The following NQO2 variants were observed in gnomAD, a reference collection of about 807,000 sequenced individuals.
The protein encoded by NQO2 is N-ribosyldihydronicotinamide:quinone dehydrogenase 2, also known as ribosyldihydronicotinamide dehydrogenase [quinone].
NQO2 carries 18 observed loss-of-function variants against 22.0 expected under a neutral mutation model. The ratio of observed to expected loss-of-function variants is 0.82; its 90% CI spans 0.56 to 1.21. The LOEUF (loss-of-function observed/expected upper bound fraction) is 1.21. NQO2 is among the 50% of genes most tolerant of loss of function. The pLI, the probability that NQO2 is intolerant of heterozygous loss-of-function variation, is 0.00. For missense variants in NQO2, 267 were observed against 286.9 expected (o/e 0.93, Z 0.50); for synonymous variants, 106 against 110.8 (o/e 0.96, Z 0.28).
Position 3,012,590 on chromosome 6 carries a change from C to T in NQO2, c.219C>T (p.His73=), listed in dbSNP as rs752134759. The part of the protein sequence containing the change: ...PEVFNYGVET[H]EAYKQRSLAS... ...TTTTCAATTATGGAGTGGAAACCCA[C>T]GAAGCCTACAAGCAAAGGTCTCTGG... The change falls in exon 4 of 7, where the codon CAC becomes CAT. Residue 73 remains histidine, a synonymous_variant. Coordinates refer to ENST00000380455, the MANE Select transcript of NQO2 (RefSeq NM_000904.6). The T allele has an allele frequency of 8.7e-6, 14 of 1,613,978 alleles. No homozygotes were observed. Among genetic ancestry groups the T allele is most frequent in the Middle Eastern group, 3.3e-4 (2 of 6,084 alleles).
chr6:3,007,205 C>T (rs1194464755), intron 2 of NQO2, among the ~76,000 whole-genome samples: 1 of 152,082 alleles, frequency 6.6e-6, no homozygotes, highest in Non-Finnish European at 1.5e-5. Context: ...CCATCCCTGG[C>T]CTCTGCCCAC....
At chr6:3,014,286 G>T (rs1280809330) in intron 4 of NQO2, among the ~76,000 whole-genome samples, 1 of 152,208 alleles carries the variant, frequency 6.6e-6, no homozygotes, top group Admixed American at 6.5e-5. Context: ...ACCTTGAGCT[G>T]CTAATCTGAC....
intron 2 of NQO2, among the ~76,000 whole-genome samples, chr6:3,007,798 T>C (rs919692737): frequency 6.6e-6 from 1 of 152,220 alleles, no homozygotes; most frequent in Non-Finnish European, 1.5e-5. Flanking sequence ...GCGGGTCTGA[T>C]TCCTCATGTT....
Position 3,012,688 on chromosome 6 carries a change from T to G in NQO2, c.303+14T>G. The G allele has an allele frequency of 6.2e-7, 1 of 1,608,934 alleles. No individual in the cohort carries two copies. The highest frequency in any genetic ancestry group is 8.5e-7 in the Non-Finnish European group (1 of 1,177,290). ...GTGATATTTCAGGTTTGTTTTTCTC[T>G]AATTAATATATTGAATCAGATTCAT... On this transcript the variant is annotated intron_variant, in intron 4 of 6. Coordinates refer to ENST00000380455, the MANE Select transcript of NQO2 (RefSeq NM_000904.6).
chr6:3,016,859 A>G (rs1214241690), intron 5 of NQO2, 25 bp from the exon 6 acceptor site: 1 of 1,611,776 alleles, frequency 6.2e-7, no homozygotes. Context: ...AGTCCACACA[A>G]ATGCATCTGC....
intron 2 of NQO2, among the ~76,000 whole-genome samples, chr6:3,009,459 G>A (rs777502134): frequency 3.3e-5 from 5 of 152,126 alleles, no homozygotes; most frequent in Non-Finnish European, 5.9e-5. Flanking sequence ...AGGGTCCTGA[G>A]GCAATATACA....
rs1415813389 is a variant in NQO2, at chr6:3,006,808, C to G, written c.7+249C>G. 6.5e-6 allele frequency: 3 copies of G among 460,722 alleles called. No homozygotes were observed. Among genetic ancestry groups the G allele is most frequent in the Non-Finnish European group, 1.1e-5 (3 of 264,674 alleles). The allele number at this position is 460,722 out of a possible 1,614,324, so 28.5% of individuals were successfully genotyped here. On this transcript the variant is annotated intron_variant, in intron 2 of 6. Coordinates refer to ENST00000380455, the MANE Select transcript of NQO2 (RefSeq NM_000904.6). The surrounding 1 kb of genome is among the most constrained non-coding windows in gnomAD (Gnocchi z 4.0). Reference sequence around the variant, plus strand: ...ACTTGTTTCATTGTTCCTTTCGACTCCCTCCAGAATTTAGGTTCCTCAAAA... The same window carrying G: ...ACTTGTTTCATTGTTCCTTTCGACTGCCTCCAGAATTTAGGTTCCTCAAAA...
chr6:3,010,139 A>G lies in NQO2; in HGVS notation c.122A>G (p.Asp41Gly). The change falls in exon 3 of 7, where the codon GAT (aspartate) becomes GGT (glycine). Residue 41 changes from aspartate to glycine, a missense_variant. Physicochemically the swap from Asp to Gly is moderately conservative, Grantham distance 94. Transcript: ENST00000380455. ...CAGGGCTGCACCGTCACAGTGTCTG[A>G]TTTGTATGCCATGAACCTTGAGCCG... ...SRQGCTVTVS[D>G]LYAMNLEPRA... The G allele has an allele frequency of 6.2e-7, 1 of 1,614,004 alleles. No homozygotes were observed. Among genetic ancestry groups the G allele is most frequent in the South Asian group, 1.1e-5 (1 of 91,072 alleles).
intron 6 of NQO2, among the ~76,000 whole-genome samples, chr6:3,018,939 A>C (rs1757434306): frequency 6.6e-6 from 1 of 151,768 alleles, no homozygotes; most frequent in Non-Finnish European, 1.5e-5. Context: ...CCTCAGAAAG[A>C]ATCACTTTAA....
intron 3 of NQO2, among the ~76,000 whole-genome samples, chr6:3,011,708 AC>A (rs1757142387): frequency 6.6e-6 from 1 of 152,208 alleles, no homozygotes; most frequent in African/African-American, 2.4e-5. Context: ...ATAACATGTA[AC>A]AGAGCTCCAG....
Position 3,019,614 on chromosome 6 carries a change from G to A in NQO2, c.655G>A (p.Glu219Lys). The change falls in exon 7 of 7, where the codon GAG becomes AAG. Residue 219 changes from glutamate (E) to lysine (K), a missense_variant. Coordinates refer to ENST00000380455, the MANE Select transcript of NQO2 (RefSeq NM_000904.6). ...SQRLQTIWKE[E>K]PIPCTAHWHF... Reference sequence around the variant, plus strand: ...GAGGCTGCAGACCATCTGGAAGGAAGAGCCCATCCCCTGCACAGCCCACTG... The same window carrying A: ...GAGGCTGCAGACCATCTGGAAGGAAAAGCCCATCCCCTGCACAGCCCACTG... 1.2e-6 allele frequency: 2 copies of A among 1,614,038 alleles called. No homozygotes were observed. The highest frequency in any genetic ancestry group is 1.7e-6 in the Non-Finnish European group (2 of 1,180,002).
At chr6:3,003,307 G>A (rs907787848) in intron 1 of NQO2, among the ~76,000 whole-genome samples, 9 of 151,618 alleles carry the variant, frequency 5.9e-5, no homozygotes, top group African/African-American at 2.0e-4. Context: ...TTGCCTCATC[G>A]GGAGGCTTTG....
rs748961780 is a variant in NQO2, at chr6:3,006,529, A to G, written c.-24A>G. The G allele has an allele frequency of 2.1e-5, 34 of 1,612,558 alleles. 1 individual carries two copies. On this transcript the variant is annotated 5_prime_UTR_variant, in exon 2 of 7. Coordinates refer to ENST00000380455, the MANE Select transcript of NQO2 (RefSeq NM_000904.6). This position sits in a 1 kb window ranked among gnomAD's most constrained non-coding sequence, Gnocchi z 4.0. The stretch of plus-strand genomic sequence containing the variant: ...GCCCCAGCCACCCATCAAATCAGAG[A>G]GAAGGAATCCACCTTCTTACGCTAT...
In NQO2 at chr6:3,019,515, G is replaced by C; in HGVS notation, c.556G>C (p.Ala186Pro). The change falls in exon 7 of 7, where the codon GCC becomes CCC. Residue 186 changes from alanine to proline, a missense_variant. Coordinates refer to ENST00000380455, the MANE Select transcript of NQO2 (RefSeq NM_000904.6). ...TLHFCGFKVL[A>P]PQISFAPEIA... ...ACACTTCTGTGGATTTAAAGTCCTTGCCCCTCAGATCAGCTTTGCTCCTGA... is the reference window on the plus strand; with the variant it reads ...ACACTTCTGTGGATTTAAAGTCCTTCCCCCTCAGATCAGCTTTGCTCCTGA... The C allele has an allele frequency of 6.2e-7, 1 of 1,614,052 alleles. No homozygotes were observed. Among genetic ancestry groups the C allele is most frequent in the Non-Finnish European group, 8.5e-7 (1 of 1,179,998 alleles).
chr6:3,000,672 C>T (rs1581314042), intron 1 of NQO2, among the ~76,000 whole-genome samples: 1 of 149,388 alleles, frequency 6.7e-6, no homozygotes, highest in African/African-American at 2.5e-5. Flanking sequence ...CTCCCGAGTA[C>T]CTGGGATTAT....
chr6:3,006,417 G>A lies in NQO2; in HGVS notation c.-85-51G>A, dbSNP rs1328511699. The A allele has an allele frequency of 4.6e-6, 7 of 1,513,704 alleles. No homozygotes were observed. Among genetic ancestry groups the A allele is most frequent in the South Asian group, 1.3e-5 (1 of 76,578 alleles). 93.8% of individuals were successfully genotyped at this position (1,513,704 alleles called of 1,614,324 possible). A position where few individuals can be genotyped will look rare whatever the true frequency, so the allele number is the denominator to read the frequency against. ...AGTGATGCCTAGATGTGGTACATTC[G>A]ACCTCACCTATGCCTCTCCCCACCC... On this transcript the variant is annotated intron_variant, in intron 1 of 6. Coordinates refer to ENST00000380455, the MANE Select transcript of NQO2 (RefSeq NM_000904.6). The surrounding 1 kb of genome is among the most constrained non-coding windows in gnomAD (Gnocchi z 4.0).
rs935729969 is a variant in NQO2, at chr6:3,015,283, C to T, written c.304-247C>T. On this transcript the variant is annotated intron_variant, in intron 4 of 6. Coordinates refer to ENST00000380455, the MANE Select transcript of NQO2 (RefSeq NM_000904.6). ...CCCCTCCCTGCCTGCCCAGGGCCAGCATCAGGGGCTGTCATCACTGGGGGA... is the reference window on the plus strand; with the variant it reads ...CCCCTCCCTGCCTGCCCAGGGCCAGTATCAGGGGCTGTCATCACTGGGGGA... The T allele has an allele frequency of 2.1e-6, 3 of 1,447,240 alleles. No homozygotes were observed. The East Asian group carries it at 8.7e-5, about 42-fold the overall frequency. 89.6% of individuals were successfully genotyped at this position (1,447,240 alleles called of 1,614,324 possible).
intron 1 of NQO2, chr6:3,004,699 T>C (rs185337046): frequency 3.1e-6 from 3 of 959,548 alleles, no homozygotes; most frequent in Middle Eastern, 5.3e-4. Flanking sequence ...TTTGTTTTGC[T>C]GTAAAGACAC....
intron 6 of NQO2, among the ~76,000 whole-genome samples, chr6:3,017,895 C>T (rs1313113735): frequency 2.0e-5 from 3 of 152,146 alleles, no homozygotes; most frequent in African/African-American, 4.8e-5. Context: ...ACGTGCCTTG[C>T]CCATGTCCTA....
Sources: gnomAD v4.1 joint callset for allele counts (sites outside exome capture counted in the v4.1 genomes callset) on GRCh38, gnomAD v4.1.1 for gene constraint, Gnocchi (gnomAD v3.1) non-coding constraint, MANE v1.5 for transcripts, NCBI Gene and HGNC (gene_info 2026-07-23, HGNC 2026-07-21) for gene names.